Variants in AKR1C8 observed in about 807,000 individuals in gnomAD.
AKR1C8 encodes aldo-keto reductase family 1 member C8, also known as aldo-keto reductase family 1 member C-like protein 1.
At chr10:5,178,138 C>G in the AKR1C8 span, among the ~76,000 whole-genome samples, 2 of 152,266 alleles carry the variant, frequency 1.3e-5, no homozygotes, top group African/African-American at 4.8e-5. Context: ...TTTCCCTCTA[C>G]ACACTGCTTT....
At chr10:5,126,388 T>C in the AKR1C8 span, among the ~76,000 whole-genome samples, 8 of 152,096 alleles carry the variant, frequency 5.3e-5, no homozygotes, top group Admixed American at 3.9e-4. Flanking sequence ...GATCTCAAGA[T>C]TCAGAACACT....
chr10:5,166,942 G>GGA, the AKR1C8 span, among the ~76,000 whole-genome samples: 1 of 148,148 alleles, frequency 6.8e-6, no homozygotes, highest in Non-Finnish European at 1.5e-5. Context: ...AAATTTACAA[G>GGA]AAAAAAAAAA....
the AKR1C8 span, among the ~76,000 whole-genome samples, chr10:5,163,585 G>A: frequency 9.9e-5 from 15 of 152,234 alleles, no homozygotes; most frequent in African/African-American, 3.4e-4. Flanking sequence ...TGCCTCCTAA[G>A]TCTTCCCTTC....
At chr10:5,135,730 GATCA>G in the AKR1C8 span, among the ~76,000 whole-genome samples, 67 of 146,354 alleles carry the variant, frequency 4.6e-4, no homozygotes, top group African/African-American at 1.6e-3. Flanking sequence ...TCATATAAAT[GATCA>G]ATCATTGTAC....
the AKR1C8 span, among the ~76,000 whole-genome samples, chr10:5,165,896 G>C: frequency 1.3e-5 from 2 of 151,990 alleles, no homozygotes; most frequent in Non-Finnish European, 2.9e-5. Context: ...CCTCACACAG[G>C]TGAACATGAC....
At chr10:5,162,843 G>A in the AKR1C8 span, 1 of 531,402 alleles carries the variant, frequency 1.9e-6, no homozygotes, top group Admixed American at 1.9e-5. Context: ...TGTACACACA[G>A]AACTTTCACC....
chr10:5,134,191 C>A, the AKR1C8 span, among the ~76,000 whole-genome samples: 1 of 152,158 alleles, frequency 6.6e-6, no homozygotes, highest in African/African-American at 2.4e-5. Context: ...CTTCTCTTTG[C>A]TGTGGAGGCA....
chr10:5,137,118 A>T, the AKR1C8 span, among the ~76,000 whole-genome samples: 1 of 152,152 alleles, frequency 6.6e-6, no homozygotes, highest in African/African-American at 2.4e-5. Context: ...AAATGCTAAC[A>T]ATTTTCTGAA....
At chr10:5,176,722 T>C in the AKR1C8 span, among the ~76,000 whole-genome samples, 3 of 152,302 alleles carry the variant, frequency 2.0e-5, no homozygotes, top group African/African-American at 7.2e-5. Flanking sequence ...TCCTAGGTAT[T>C]TTATTATCTT....
At chr10:5,140,180 T>A in the AKR1C8 span, among the ~76,000 whole-genome samples, 22 of 152,208 alleles carry the variant, frequency 1.4e-4, no homozygotes, top group South Asian at 4.4e-3. Context: ...GAAATAGGAA[T>A]GTTTTTACAC....
At chr10:5,168,386 A>T in the AKR1C8 span, among the ~76,000 whole-genome samples, 1 of 152,018 alleles carries the variant, frequency 6.6e-6, no homozygotes, top group Non-Finnish European at 1.5e-5. Flanking sequence ...CTCTTGTCAC[A>T]TAGTCATCAA....
At chr10:5,152,977 A>C in the AKR1C8 span, among the ~76,000 whole-genome samples, 2 of 152,178 alleles carry the variant, frequency 1.3e-5, no homozygotes, top group Admixed American at 1.3e-4. Flanking sequence ...TTCTTGAAAA[A>C]AAAGTTTGGA....
At chr10:5,152,369 AT>A in the AKR1C8 span, among the ~76,000 whole-genome samples, 3 of 152,150 alleles carry the variant, frequency 2.0e-5, no homozygotes, top group Admixed American at 6.6e-5. Flanking sequence ...AATGGACACA[AT>A]TTTTTAAGCA....
chr10:5,177,711 G>T, the AKR1C8 span, among the ~76,000 whole-genome samples: 1 of 152,062 alleles, frequency 6.6e-6, no homozygotes, highest in Non-Finnish European at 1.5e-5. Context: ...GTCTTGGGAG[G>T]GTGTATGTGT....
At chr10:5,117,717 A>G in the AKR1C8 span, among the ~76,000 whole-genome samples, 3 of 152,268 alleles carry the variant, frequency 2.0e-5, no homozygotes, top group South Asian at 6.2e-4. Context: ...CTCATGGCAG[A>G]AAGGAAAGGA....
chr10:5,169,203 T>C, the AKR1C8 span, among the ~76,000 whole-genome samples: 6 of 152,206 alleles, frequency 3.9e-5, no homozygotes, highest in East Asian at 5.8e-4. Context: ...TTCCTTGAAA[T>C]GCATGAGGCT....
At chr10:5,122,084 A>G in the AKR1C8 span, 3 of 350,258 alleles carry the variant, frequency 8.6e-6, no homozygotes. Context: ...GCATCACTTA[A>G]AATTGTAACT....
the AKR1C8 span, among the ~76,000 whole-genome samples, chr10:5,129,182 T>G: frequency 6.6e-6 from 1 of 152,106 alleles, no homozygotes; most frequent in Non-Finnish European, 1.5e-5. Context: ...TGAATGATTT[T>G]GGGTTAACAA....
the AKR1C8 span, among the ~76,000 whole-genome samples, chr10:5,181,777 C>T: frequency 6.6e-6 from 1 of 152,224 alleles, no homozygotes; most frequent in African/African-American, 2.4e-5. Flanking sequence ...ATTACTTTGT[C>T]AATCATATTC....
Sources: gnomAD v4.1 joint callset for allele counts (sites outside exome capture counted in the v4.1 genomes callset) on GRCh38, gnomAD v4.1.1 for gene constraint, MANE v1.5 for transcripts, NCBI Gene and HGNC (gene_info 2026-07-23, HGNC 2026-07-21) for gene names.